OR2L13: variants seen among roughly 807,000 people sequenced by gnomAD.
OR2L13 encodes olfactory receptor 2L13.
In OR2L13, 14 loss-of-function variants were observed where a neutral mutation model predicts 15.3. That is an observed-to-expected ratio of 0.91 (90% CI 0.60 to 1.43). OR2L13 has a LOEUF of 1.43. OR2L13 is among the 40% of genes most tolerant of loss of function. The pLI is 0.00. For missense variants in OR2L13, 367 were observed against 387.9 expected (o/e 0.95, Z 0.45); for synonymous variants, 152 against 142.9 (o/e 1.06, Z -0.45).
chr1:248,083,659 G>T, the OR2L13 span: 1 of 1,529,752 alleles, frequency 6.5e-7, no homozygotes, highest in Non-Finnish European at 9.1e-7. Context: ...GCCTCATTTT[G>T]CTGGTGTTTC....
the OR2L13 span, chr1:247,991,062 A>C: frequency 6.4e-7 from 1 of 1,573,632 alleles, no homozygotes; most frequent in Non-Finnish European, 8.7e-7. Context: ...GATCCCTGCG[A>C]TCTCCGACAG....
the OR2L13 span, among the ~76,000 whole-genome samples, chr1:248,050,453 G>A: frequency 1.3e-5 from 2 of 151,964 alleles, no homozygotes; most frequent in African/African-American, 4.8e-5. Context: ...TTTCCTGTCA[G>A]GAACCAGCCT....
the OR2L13 span, chr1:248,038,229 C>G: frequency 2.2e-6 from 3 of 1,371,952 alleles, no homozygotes; most frequent in Non-Finnish European, 3.0e-6. Flanking sequence ...CTTAATTTAC[C>G]CTTTTGTCTC....
chr1:248,042,474 G>A, the OR2L13 span, among the ~76,000 whole-genome samples: 2 of 151,946 alleles, frequency 1.3e-5, no homozygotes, highest in Non-Finnish European at 2.9e-5. Context: ...CCTGCACATT[G>A]TGCACATGTA....
chr1:248,033,848 C>T, the OR2L13 span, among the ~76,000 whole-genome samples: 1 of 152,074 alleles, frequency 6.6e-6, no homozygotes, highest in African/African-American at 2.4e-5. Flanking sequence ...CTCACTCTTA[C>T]CTCTTCAACA....
the OR2L13 span, chr1:248,022,732 G>A: frequency 6.2e-7 from 1 of 1,614,042 alleles, no homozygotes; most frequent in Non-Finnish European, 8.5e-7. Flanking sequence ...CTATGTCCAA[G>A]ATCCCTGCGA....
the OR2L13 span, chr1:248,039,820 C>A: frequency 6.6e-6 from 1 of 152,226 alleles, no homozygotes; most frequent in South Asian, 2.1e-4. Context: ...TTACTCTCAA[C>A]TGGTATGTAT....
At chr1:248,056,177 CT>C in the OR2L13 span, among the ~76,000 whole-genome samples, 3 of 151,950 alleles carry the variant, frequency 2.0e-5, no homozygotes, top group South Asian at 2.1e-4. Flanking sequence ...CTTTATTATT[CT>C]TTTTTTATTA....
chr1:248,050,212 C>T, the OR2L13 span, among the ~76,000 whole-genome samples: 2 of 151,760 alleles, frequency 1.3e-5, no homozygotes, highest in African/African-American at 4.8e-5. Flanking sequence ...TCGTTCTTTC[C>T]TCCTGTGTAT....
the OR2L13 span, among the ~76,000 whole-genome samples, chr1:248,076,082 C>T: frequency 6.6e-6 from 1 of 152,128 alleles, no homozygotes; most frequent in African/African-American, 2.4e-5. Context: ...GCCAGTTTCC[C>T]AGCACCATTT....
the OR2L13 span, among the ~76,000 whole-genome samples, chr1:247,981,959 G>C: frequency 8.6e-5 from 13 of 151,894 alleles, no homozygotes; most frequent in Non-Finnish European, 1.6e-4. Flanking sequence ...GGGACTGCAG[G>C]CTCCCGCCAC....
the OR2L13 span, chr1:248,013,850 G>A: frequency 1.3e-5 from 2 of 152,140 alleles, no homozygotes; most frequent in South Asian, 4.1e-4. Context: ...TTGAGCACTA[G>A]TAATTGTACT....
the OR2L13 span, among the ~76,000 whole-genome samples, chr1:248,027,320 G>C: frequency 3.9e-5 from 6 of 152,266 alleles, 1 homozygote; most frequent in South Asian, 1.2e-3. Context: ...CAATGACAAT[G>C]TGTGCCCAAA....
chr1:247,942,898 C>G, the OR2L13 span, among the ~76,000 whole-genome samples: 2 of 151,130 alleles, frequency 1.3e-5, no homozygotes, highest in Admixed American at 1.3e-4. Context: ...CTCCCATTCC[C>G]TGGGGTCCAC....
the OR2L13 span, chr1:248,061,343 T>C: frequency 5.6e-6 from 9 of 1,613,796 alleles, no homozygotes; most frequent in Admixed American, 1.3e-4. Context: ...GGCCGGGTTC[T>C]CCTTGCTGTC....
the OR2L13 span, chr1:247,975,802 A>G: frequency 5.4e-6 from 2 of 371,372 alleles, no homozygotes; most frequent in African/African-American, 2.1e-5. Flanking sequence ...TCTTGACATT[A>G]TAATTGCATA....
chr1:248,062,233 A>G, the OR2L13 span: 1 of 152,268 alleles, frequency 6.6e-6, no homozygotes, highest in Admixed American at 6.5e-5. Flanking sequence ...CCAGGAAATG[A>G]TTTAACATTA....
chr1:247,993,485 G>C, the OR2L13 span, among the ~76,000 whole-genome samples: 5,133 of 151,928 alleles, frequency 0.034, 246 homozygotes, highest in African/African-American at 0.12. Context: ...GCTCTCTGAG[G>C]CATGTCAAAA....
the OR2L13 span, among the ~76,000 whole-genome samples, chr1:247,940,662 G>A: frequency 6.6e-6 from 1 of 152,014 alleles, no homozygotes; most frequent in Non-Finnish European, 1.5e-5. Context: ...TGTGAATAGT[G>A]CAGCAATGAA....
Sources: allele counts gnomAD v4.1 joint callset (sites outside exome capture counted in the v4.1 genomes callset), GRCh38; gene constraint gnomAD v4.1.1; transcripts MANE v1.5; gene names NCBI Gene and HGNC (gene_info 2026-07-23, HGNC 2026-07-21).